QRFPR: variants seen among roughly 807,000 people sequenced by gnomAD.
QRFPR encodes the protein pyroglutamylated RFamide peptide receptor, also known as pyroglutamylated RF-amide peptide receptor.
In QRFPR, 37 loss-of-function variants were observed where a neutral mutation model predicts 31.3. The observed-to-expected ratio is 1.18, with a 90% CI of 0.91 to 1.56. QRFPR has a LOEUF of 1.56. QRFPR is among the 40% of genes most tolerant of loss of function. The pLI, the probability that QRFPR is intolerant of heterozygous loss-of-function variation, is 0.00. For synonymous variants in QRFPR, 197 were observed against 192.0 expected, an observed-to-expected ratio of 1.03 and a Z score of -0.22; for missense variants, 542 against 532.5, an observed-to-expected ratio of 1.02 and a Z score of -0.18.
At chr4:121,352,085 TTCTCTC>T (rs1161550280) in intron 1 of QRFPR, among the ~76,000 whole-genome samples, 1 of 152,156 alleles carries the variant, frequency 6.6e-6, no homozygotes, top group Non-Finnish European at 1.5e-5. Flanking sequence ...ATCATCATAA[TTCTCTC>T]TGGCGGTTGG....
At chr4:121,369,413 C>G (rs1726190645) in intron 1 of QRFPR, 1 of 751,132 alleles carries the variant, frequency 1.3e-6, no homozygotes, top group African/African-American at 1.8e-5. Context: ...TACCAGAATC[C>G]CTGGAAAGAA....
intron 1 of QRFPR, among the ~76,000 whole-genome samples, chr4:121,351,026 G>T (rs180771571): frequency 6.6e-6 from 1 of 152,218 alleles, no homozygotes; most frequent in Non-Finnish European, 1.5e-5. Flanking sequence ...GATCTGTGCA[G>T]CAAAACACCA....
At chr4:121,375,988 G>T (rs1553948559) in intron 1 of QRFPR, among the ~76,000 whole-genome samples, 1 of 151,986 alleles carries the variant, frequency 6.6e-6, no homozygotes, top group Non-Finnish European at 1.5e-5. Context: ...TAAAAAGGAG[G>T]AAAAAACAAA....
intron 1 of QRFPR, 44 bp from the exon 2 acceptor site, chr4:121,340,654 A>G (rs1446719319): frequency 1.3e-6 from 2 of 1,572,786 alleles, no homozygotes; most frequent in Non-Finnish European, 8.7e-7. Context: ...AAACAAAAAG[A>G]ATAAAGGTTT....
intron 1 of QRFPR, among the ~76,000 whole-genome samples, chr4:121,376,607 T>C (rs183604198): frequency 6.6e-6 from 1 of 152,110 alleles, no homozygotes; most frequent in African/African-American, 2.4e-5. Flanking sequence ...TTCCATGATG[T>C]GAATACTCCC....
At chr4:121,350,770 T>A (rs1725748875) in intron 1 of QRFPR, among the ~76,000 whole-genome samples, 1 of 152,218 alleles carries the variant, frequency 6.6e-6, no homozygotes, top group Non-Finnish European at 1.5e-5. Flanking sequence ...TATATAAATA[T>A]CAGCTAAAAG....
At chr4:121,340,701 C>T in intron 1 of QRFPR, 91 bp from the exon 2 acceptor site, 1 of 1,268,386 alleles carries the variant, frequency 7.9e-7, no homozygotes, top group African/African-American at 1.5e-5. Context: ...TCAGTCCATT[C>T]TGAGCCTCTG....
At chr4:121,365,874 T>C (rs1726127335) in intron 1 of QRFPR, among the ~76,000 whole-genome samples, 1 of 145,628 alleles carries the variant, frequency 6.9e-6, no homozygotes, top group South Asian at 2.1e-4. Flanking sequence ...TGGTTACTTT[T>C]ACACTTGAGC....
At chr4:121,370,194 C>A (rs919227833) in intron 1 of QRFPR, 3 of 773,188 alleles carry the variant, frequency 3.9e-6, no homozygotes, top group Non-Finnish European at 7.2e-6. Context: ...AGGGATGCTG[C>A]CCATGTCTGA....
At chr4:121,344,396 T>C (rs1204641009) in intron 1 of QRFPR, among the ~76,000 whole-genome samples, 1 of 152,206 alleles carries the variant, frequency 6.6e-6, no homozygotes, top group Non-Finnish European at 1.5e-5. Context: ...CACACCAAGC[T>C]ATAGTATAAT....
intron 1 of QRFPR, 71 bp from the exon 2 acceptor site, chr4:121,340,681 A>G (rs763663127): frequency 3.9e-4 from 555 of 1,436,834 alleles, no homozygotes; most frequent in Non-Finnish European, 4.8e-4. Context: ...TGTCTTTGTA[A>G]TTATCACTAT....
At chr4:121,351,464 T>A (rs1014909768) in intron 1 of QRFPR, among the ~76,000 whole-genome samples, 5 of 152,156 alleles carry the variant, frequency 3.3e-5, no homozygotes, top group Non-Finnish European at 7.4e-5. Flanking sequence ...CAAATACAGC[T>A]TTAGAAAGGT....
intron 1 of QRFPR, among the ~76,000 whole-genome samples, chr4:121,369,249 T>C (rs1162053105): frequency 1.3e-5 from 2 of 152,146 alleles, no homozygotes; most frequent in Admixed American, 1.3e-4. Flanking sequence ...GGCTGGTCTT[T>C]AACTCCTGAC....
At chr4:121,369,255 C>G (rs141553960) in intron 1 of QRFPR, among the ~76,000 whole-genome samples, 4,053 of 152,310 alleles carry the variant, frequency 0.027, 82 homozygotes, top group Middle Eastern at 0.075. Flanking sequence ...TCTTTAACTC[C>G]TGACCTCAGG....
In QRFPR at chr4:121,330,975, T is replaced by G. The variant is rs531708638; in HGVS notation, c.798-452A>C. Among the ~76,000 whole-genome samples, 518 of 152,074 alleles carry G rather than the reference T, an allele frequency of 3.4e-3. 5 individuals are homozygous for G. The highest frequency in any genetic ancestry group is 6.8e-3 in the Middle Eastern group (2 of 294). ...TGTGGTAGTAAAATATCAATATTTA[T>G]AAAATATGGGCCAGGTGCAGTGACT... On this transcript the variant is annotated intron_variant, in intron 4 of 5. Coordinates refer to ENST00000394427, the MANE Select transcript of QRFPR (RefSeq NM_198179.3).
At chr4:121,329,804 G>C in intron 5 of QRFPR, 90 bp from the exon 6 acceptor site, 18 of 966,644 alleles carry the variant, frequency 1.9e-5, no homozygotes, top group Non-Finnish European at 2.6e-5. Context: ...ACTTAAACTT[G>C]TACAAGTATC....
intron 1 of QRFPR, among the ~76,000 whole-genome samples, chr4:121,377,888 C>T (rs761238514): frequency 3.3e-5 from 5 of 152,160 alleles, no homozygotes; most frequent in Non-Finnish European, 5.9e-5. Context: ...ATTACATTCT[C>T]TTGAACTTTG....
At chr4:121,345,310 C>T (rs2110472185) in intron 1 of QRFPR, among the ~76,000 whole-genome samples, 1 of 152,336 alleles carries the variant, frequency 6.6e-6, no homozygotes, top group South Asian at 2.1e-4. Context: ...GACCTCTGAG[C>T]TCCCTTGGTC....
At chr4:121,367,544 G>T (rs1579588652) in intron 1 of QRFPR, among the ~76,000 whole-genome samples, 1 of 150,098 alleles carries the variant, frequency 6.7e-6, no homozygotes, top group African/African-American at 2.5e-5. Context: ...CAGTTGCTTT[G>T]TAAAAGTACA....
Sources: allele counts gnomAD v4.1 joint callset (sites outside exome capture counted in the v4.1 genomes callset), GRCh38; gene constraint gnomAD v4.1.1; transcripts MANE v1.5; gene names NCBI Gene and HGNC (gene_info 2026-07-23, HGNC 2026-07-21).